Variants in LLGL2 observed in about 807,000 individuals in gnomAD.
The protein encoded by LLGL2 is LLGL scribble cell polarity complex component 2.
A neutral mutation model predicts 123.2 loss-of-function variants in LLGL2; 81 were observed. The ratio of observed to expected loss-of-function variants is 0.66; its 90% confidence interval spans 0.55 to 0.79. The LOEUF (loss-of-function observed/expected upper bound fraction) is 0.79. LLGL2 is among the 30% of genes least tolerant of loss of function. The probability of loss-of-function intolerance (pLI) is 0.00; values close to 1 mark genes in which losing one functional copy is unlikely to be tolerated. For synonymous variants in LLGL2, 577 were observed against 594.1 expected (o/e 0.97, Z 0.42); for missense variants, 1,273 against 1,414.6 (o/e 0.90, Z 1.61).
At chr17:75,541,393 T>G (rs988997580) in intron 1 of LLGL2, among the ~76,000 whole-genome samples, 2 of 152,234 alleles carry the variant, frequency 1.3e-5, no homozygotes, top group South Asian at 4.1e-4. Context: ...GCTGCAATGC[T>G]GGGCCAGCAG....
Position 75,554,635 on chromosome 17 carries a change from T to G in LLGL2, c.76-1411T>G, listed in dbSNP as rs1219960649. ...CCCTCAAAAAAGAAAAATTAAAAATTTTTGTCATGCCTGTAATCCCAGCAC... is the reference window on the plus strand; with the variant it reads ...CCCTCAAAAAAGAAAAATTAAAAATGTTTGTCATGCCTGTAATCCCAGCAC... On this transcript the variant is annotated intron_variant, in intron 2 of 25. Transcript: ENST00000392550. Among the ~76,000 whole-genome samples the G allele has an allele frequency of 4.1e-5, 6 of 147,400 alleles. No individual in the cohort carries two copies. The South Asian group carries it at 1.1e-3, about 26-fold the overall frequency.
chr17:75,532,055 T>TACACACACACACCC (rs2053810167), intron 1 of LLGL2, among the ~76,000 whole-genome samples: 1 of 93,738 alleles, frequency 1.1e-5, no homozygotes, highest in African/African-American at 3.5e-5. Flanking sequence ...TATGTATATA[T>TACACACACACACCC]ACACACACAC....
chr17:75,550,005 G>T (rs1424894990), intron 2 of LLGL2, among the ~76,000 whole-genome samples: 2 of 152,218 alleles, frequency 1.3e-5, no homozygotes, highest in Non-Finnish European at 2.9e-5. Flanking sequence ...TCCTCCCTTG[G>T]CAGAGGTCAC....
intron 10 of LLGL2, among the ~76,000 whole-genome samples, chr17:75,566,375 G>A (rs1462612652): frequency 1.3e-5 from 2 of 152,212 alleles, no homozygotes; most frequent in African/African-American, 2.4e-5. Flanking sequence ...AGTGAGAGTC[G>A]AGGGAGAGGT....
At chr17:75,572,479 C>T (rs1054811633) in intron 19 of LLGL2, among the ~76,000 whole-genome samples, 4 of 152,212 alleles carry the variant, frequency 2.6e-5, no homozygotes, top group African/African-American at 4.8e-5. Context: ...CTGGCTAACA[C>T]GGTGAAACCC....
At chr17:75,561,786 G>A (rs1430754639) in intron 6 of LLGL2, among the ~76,000 whole-genome samples, 1 of 152,082 alleles carries the variant, frequency 6.6e-6, no homozygotes, top group Non-Finnish European at 1.5e-5. Context: ...GCCTGGCATG[G>A]TTGTGGGTGC....
In LLGL2 at chr17:75,549,269, G is replaced by A. The variant is rs1021731078; in HGVS notation, c.75+5768G>A. On this transcript the variant is annotated intron_variant, in intron 2 of 25. Coordinates refer to ENST00000392550, the MANE Select transcript of LLGL2 (RefSeq NM_001031803.2). This position sits in a 1 kb window ranked among gnomAD's most constrained non-coding sequence, Gnocchi z 4.0. ...GGGAAGGAACCATGGGACCTCGGGA[G>A]GGAGGAAGTGCTGCTGGAGAAGTCA... is the stretch of plus-strand genomic sequence containing the variant. Among the ~76,000 whole-genome samples the A allele has an allele frequency of 9.9e-5, 15 of 152,172 alleles. No homozygotes were observed. Among genetic ancestry groups the A allele is most frequent in the African/African-American group, 3.6e-4 (15 of 41,410 alleles).
In LLGL2 at chr17:75,550,035, TG is replaced by T. The variant is rs1436192302; in HGVS notation, c.76-6008del. ...GGTCACCTGAGCCAGGTATCAGATG[TG>T]GGCGGGGCCGGGTAGGCTGGATGCC... On this transcript the variant is annotated intron_variant, in intron 2 of 25. Transcript: ENST00000392550. Among the ~76,000 whole-genome samples the T allele has an allele frequency of 2.0e-5, 3 of 152,230 alleles. No individual in the cohort carries two copies. In the East Asian group the frequency reaches 5.8e-4, roughly 29 times the overall value.
At position 75,558,870 on chromosome 17, in the gene LLGL2, C is replaced by T; in HGVS notation, c.371+243C>T. 6.9e-6 allele frequency: 1 copy of T among 145,530 alleles called. No individual in the cohort carries two copies. Among genetic ancestry groups the T allele is most frequent in the South Asian group, 1.4e-4 (1 of 7,212 alleles). The allele number at this position is 145,530 out of a possible 1,614,324, so 9.0% of individuals were successfully genotyped here. On this transcript the variant is annotated intron_variant, in intron 5 of 25. Coordinates refer to ENST00000392550, the MANE Select transcript of LLGL2 (RefSeq NM_001031803.2). The surrounding 1 kb of genome is among the most constrained non-coding windows in gnomAD (Gnocchi z 4.0). ...CACCTCCTCCATCCGCACCCCGCCT[C>T]CTCCATCCGCACCCCACCTCCTCCA...
chr17:75,563,653 C>G, intron 8 of LLGL2, 99 bp from the exon 9 acceptor site: 1 of 1,503,062 alleles, frequency 6.7e-7, no homozygotes, highest in Non-Finnish European at 9.2e-7. Context: ...ACAGGTCTAC[C>G]ATGTGGATGT....
chr17:75,569,834 G>T, intron 14 of LLGL2, 129 bp from the exon 15 acceptor site: 1 of 947,596 alleles, frequency 1.1e-6, no homozygotes, highest in South Asian at 1.7e-5. Flanking sequence ...GGAGAGCTGG[G>T]GTTGGACAGA....
At chr17:75,531,927 C>T (rs1413227102) in intron 1 of LLGL2, among the ~76,000 whole-genome samples, 1 of 152,082 alleles carries the variant, frequency 6.6e-6, no homozygotes, top group Non-Finnish European at 1.5e-5. Context: ...CCTGACTCTA[C>T]CCTTCAGGAA....
intron 1 of LLGL2, chr17:75,543,148 TC>T: frequency 3.4e-6 from 1 of 291,352 alleles, no homozygotes; most frequent in Non-Finnish European, 6.3e-6. Flanking sequence ...AATGGCTTCC[TC>T]CCCCAGCTTT....
intron 17 of LLGL2, among the ~76,000 whole-genome samples, 160 bp downstream of exon 17, chr17:75,571,260 C>T (rs1041294973): frequency 3.3e-5 from 5 of 152,148 alleles, no homozygotes; most frequent in African/African-American, 1.2e-4. Context: ...GCTTACTCCC[C>T]TCCCCTGCCT....
Position 75,572,067 on chromosome 17 carries a change from G to T in LLGL2, c.2460+3G>T. 1 of 1,608,240 alleles carries T rather than the reference G, an allele frequency of 6.2e-7. No individual in the cohort carries two copies. On this transcript the variant is annotated splice_donor_region_variant and intron_variant, in intron 19 of 25. Transcript: ENST00000392550. ...TCGTATCAGAGGAGCAGTTCAAGGT[G>T]CCACACGGGCAGCGGCGGGTCTCCC...
chr17:75,573,126 A>T lies in LLGL2; in HGVS notation c.2573A>T (p.Asp858Val). The T allele has an allele frequency of 6.2e-7, 1 of 1,612,990 alleles. No homozygotes were observed. The highest frequency in any genetic ancestry group is 8.5e-7 in the Non-Finnish European group (1 of 1,179,962). The change falls in exon 20 of 26, where the codon GAC (aspartate) becomes GTC (valine). Residue 858 changes from aspartate (D) to valine (V), a missense_variant. By Grantham distance (152) the Asp-to-Val change is radical. Transcript: ENST00000392550. ...CACTTCGGCAGTCGTCGAGCCGAGG[A>T]CTACGGGGAGCACCACCTGGCAGTC... Reference protein sequence around the residue: ...VAHFGSRRAEDYGEHHLAVLT... With the variant: ...VAHFGSRRAEVYGEHHLAVLT...
At chr17:75,525,272 G>A (rs2053513552), upstream of LLGL2, 1 of 151,650 alleles carries the variant, frequency 6.6e-6, no homozygotes, top group Non-Finnish European at 1.5e-5. This position sits in a 1 kb window ranked among gnomAD's most constrained non-coding sequence, Gnocchi z 4.8. Flanking sequence ...ACCCGGCCCT[G>A]CGTCCCCCGG....
Position 75,568,654 on chromosome 17 carries a change from T to G in LLGL2, c.1215T>G (p.Ile405Met). 2 of 1,613,766 alleles carry G rather than the reference T, an allele frequency of 1.2e-6. No individual in the cohort carries two copies. Among genetic ancestry groups the G allele is most frequent in the South Asian group, 1.1e-5 (1 of 91,080 alleles). ...NIPLKLWERI[I>M]AAGSRQNAHF... ...CGCTGAAGCTGTGGGAGCGGATCAT[T>G]GCCGCCGGCAGCCGGCAGAACGCAC... Residue 405 changes from isoleucine to methionine, a missense_variant, in exon 11 of 26, where the codon ATT becomes ATG. By Grantham distance (10) the Ile-to-Met change is conservative. Coordinates refer to ENST00000392550, the MANE Select transcript of LLGL2 (RefSeq NM_001031803.2).
chr17:75,571,587 C>A, intron 17 of LLGL2, 80 bp from the exon 18 acceptor site: 2 of 1,054,892 alleles, frequency 1.9e-6, no homozygotes, highest in Non-Finnish European at 2.9e-6. Context: ...GGAGGGAAAA[C>A]CTGGGAGTAA....
Sources: gnomAD v4.1 joint callset for allele counts (sites outside exome capture counted in the v4.1 genomes callset) on GRCh38, gnomAD v4.1.1 for gene constraint, Gnocchi (gnomAD v3.1) non-coding constraint, MANE v1.5 for transcripts, NCBI Gene and HGNC (gene_info 2026-07-23, HGNC 2026-07-21) for gene names.